PRKCB: variants seen among roughly 807,000 people sequenced by gnomAD.
PRKCB encodes protein kinase C beta, also known as protein kinase C beta type.
In PRKCB, 13 loss-of-function variants were observed where a neutral mutation model predicts 81.5. That is an observed-to-expected ratio of 0.16 (90% confidence interval 0.10 to 0.25). The LOEUF is 0.25. Ranked by LOEUF, PRKCB falls within the 10% of genes least tolerant of loss-of-function variation. The probability of loss-of-function intolerance (pLI) is 1.00; values close to 1 mark genes in which losing one functional copy is unlikely to be tolerated. For synonymous variants in PRKCB, 335 were observed against 321.4 expected, an observed-to-expected ratio of 1.04 and a Z score of -0.45; for missense variants, 509 against 875.7, an observed-to-expected ratio of 0.58 and a Z score of 5.29.
chr16:24,072,260 A>T (rs760820103), intron 5 of PRKCB, among the ~76,000 whole-genome samples: 14 of 151,810 alleles, frequency 9.2e-5, no homozygotes, highest in Non-Finnish European at 1.8e-4. Flanking sequence ...GGCAACCATC[A>T]ATCTGCTTTT....
intron 3 of PRKCB, among the ~76,000 whole-genome samples, chr16:23,998,375 G>A (rs1017310232): frequency 2.0e-5 from 3 of 151,298 alleles, no homozygotes; most frequent in Non-Finnish European, 4.4e-5. Context: ...ATTTTTTTTT[G>A]GAGAACCCTG....
intron 2 of PRKCB, among the ~76,000 whole-genome samples, chr16:23,857,688 C>G (rs1479491801): frequency 2.0e-5 from 3 of 151,818 alleles, no homozygotes; most frequent in Non-Finnish European, 4.4e-5. Flanking sequence ...AGGCTTGTCC[C>G]TGCTTGAGGA....
rs1160983899 is a variant in PRKCB at position 23,924,189 on chromosome 16, C to T, written c.206-64319C>T. On this transcript the variant is annotated intron_variant, in intron 2 of 16. Coordinates refer to ENST00000643927, the MANE Select transcript of PRKCB (RefSeq NM_002738.7). ...AGAGCTGATGGTTTTATAAGGGGCT[C>T]CTCCCCCTTCACTCCTCACTCTTCT... Among the ~76,000 whole-genome samples the T allele has an allele frequency of 3.3e-5, 5 of 151,912 alleles. No individual in the cohort carries two copies. In the East Asian group the frequency reaches 7.7e-4, roughly 23 times the overall value.
intron 9 of PRKCB, among the ~76,000 whole-genome samples, chr16:24,150,629 C>T (rs1967065537): frequency 6.6e-6 from 1 of 152,196 alleles, no homozygotes; most frequent in Admixed American, 6.5e-5. Context: ...CATGTGGTTA[C>T]TCTTATTTTC....
intron 13 of PRKCB, among the ~76,000 whole-genome samples, chr16:24,184,746 T>A (rs1357466376): frequency 6.6e-6 from 1 of 152,272 alleles, no homozygotes; most frequent in African/African-American, 2.4e-5. Flanking sequence ...ACGTAAAATT[T>A]ACTATTTTAA....
intron 2 of PRKCB, among the ~76,000 whole-genome samples, chr16:23,889,351 A>C (rs1963255448): frequency 6.6e-6 from 1 of 152,216 alleles, no homozygotes; most frequent in Admixed American, 6.5e-5. Context: ...TTAATAACAG[A>C]GCCTACCTTA....
intron 5 of PRKCB, among the ~76,000 whole-genome samples, chr16:24,072,499 C>T (rs1240933469): frequency 1.3e-5 from 2 of 152,106 alleles, no homozygotes; most frequent in African/African-American, 4.8e-5. Flanking sequence ...ATCCTCCCAC[C>T]TCAGCTTCCC....
At chr16:23,988,159 C>T (rs1166788292) in intron 2 of PRKCB, among the ~76,000 whole-genome samples, 9 of 152,226 alleles carry the variant, frequency 5.9e-5, no homozygotes, top group Admixed American at 2.6e-4. Context: ...CACAAGCCAA[C>T]TACTTCATCT....
intron 2 of PRKCB, among the ~76,000 whole-genome samples, chr16:23,964,495 A>G (rs1432139287): frequency 1.3e-5 from 2 of 152,198 alleles, no homozygotes; most frequent in African/African-American, 2.4e-5. Flanking sequence ...GGTCTAGAAC[A>G]TTGCCTGGCT....
At chr16:24,008,529 G>T (rs1229992336) in intron 3 of PRKCB, among the ~76,000 whole-genome samples, 1 of 152,180 alleles carries the variant, frequency 6.6e-6, no homozygotes, top group Admixed American at 6.5e-5. Flanking sequence ...CCAGCTTGAT[G>T]AATTCTCACA....
intron 2 of PRKCB, among the ~76,000 whole-genome samples, chr16:23,956,979 TAAAAAAAAAAA>T (rs10714409): frequency 2.2e-5 from 1 of 45,954 alleles, no homozygotes; most frequent in Non-Finnish European, 3.9e-5. Context: ...CTATAGGCAG[TAAAAAAAAAAA>T]AAAAAAAAAA....
intron 2 of PRKCB, among the ~76,000 whole-genome samples, chr16:23,879,482 CT>C (rs546638229): frequency 2.4e-5 from 2 of 83,182 alleles, no homozygotes; most frequent in African/African-American, 5.6e-5. Flanking sequence ...TTTAGCTATC[CT>C]TTTTTTTTTT....
At chr16:24,124,548 C>T (rs550172161) in intron 9 of PRKCB, among the ~76,000 whole-genome samples, 1 of 152,248 alleles carries the variant, frequency 6.6e-6, no homozygotes, top group East Asian at 1.9e-4. Flanking sequence ...GGAAACGGTT[C>T]CTTTCAAACA....
At chr16:23,890,552 CG>C (rs1567304038) in intron 2 of PRKCB, among the ~76,000 whole-genome samples, 1 of 152,180 alleles carries the variant, frequency 6.6e-6, no homozygotes. Flanking sequence ...CACTTCCAAC[CG>C]GGCTTTTCAT....
intron 10 of PRKCB, among the ~76,000 whole-genome samples, chr16:24,166,542 A>G (rs1001123073): frequency 6.6e-6 from 1 of 152,232 alleles, no homozygotes; most frequent in Admixed American, 6.5e-5. Flanking sequence ...AATATACGTT[A>G]AAACAAATAC....
In PRKCB at chr16:23,915,389, A is replaced by G. The variant is rs1401369345; in HGVS notation, c.206-73119A>G. 3.3e-5 allele frequency among the ~76,000 whole-genome samples: 5 copies of G among 152,130 alleles called. No homozygotes were observed. In the East Asian group the frequency reaches 9.6e-4, roughly 29 times the overall value. ...TTGCCCCGGAAGGAGTGAACTGTGT[A>G]GAACAAAAGCAGAGGCTGGGAGCTG... On this transcript the variant is annotated intron_variant, in intron 2 of 16. Transcript: ENST00000643927.
intron 2 of PRKCB, among the ~76,000 whole-genome samples, chr16:23,959,515 G>GCA (rs1032916109): frequency 6.6e-5 from 10 of 152,330 alleles, no homozygotes; most frequent in Admixed American, 3.9e-4. Context: ...TTTCACAAAG[G>GCA]CAGGGGTGGA....
chr16:24,140,421 G>A, intron 9 of PRKCB, among the ~76,000 whole-genome samples: 1 of 152,076 alleles, frequency 6.6e-6, no homozygotes, highest in South Asian at 2.1e-4. Context: ...TCTCAAGAGG[G>A]GAATTATAAT....
chr16:24,157,278 G>A (rs926647492), intron 10 of PRKCB, among the ~76,000 whole-genome samples: 1 of 152,136 alleles, frequency 6.6e-6, no homozygotes, highest in African/African-American at 2.4e-5. Context: ...TGATTTGGCT[G>A]TGTCCCCACC....
Sources: allele counts gnomAD v4.1 joint callset (sites outside exome capture counted in the v4.1 genomes callset), GRCh38; gene constraint gnomAD v4.1.1; transcripts MANE v1.5; gene names NCBI Gene and HGNC (gene_info 2026-07-23, HGNC 2026-07-21).